NCKAP1L: variants seen among roughly 807,000 people sequenced by gnomAD.
NCKAP1L encodes NCK associated protein 1 like.
Under a neutral mutation model 139.2 loss-of-function variants are expected in NCKAP1L, and 53 were observed. That is an observed-to-expected ratio of 0.38 (90% CI 0.31 to 0.48). The LOEUF (loss-of-function observed/expected upper bound fraction) is 0.48, where lower values mean the gene tolerates loss of function less well. Among genes scored for constraint, NCKAP1L ranks in the 20% least tolerant of loss-of-function variants. The pLI, the probability that NCKAP1L is intolerant of heterozygous loss-of-function variation, is 0.98. For synonymous variants in NCKAP1L, 468 were observed against 499.7 expected, an observed-to-expected ratio of 0.94 and a Z score of 0.85; for missense variants, 1,151 against 1,381.9, an observed-to-expected ratio of 0.83 and a Z score of 2.65.
chr12:54,526,293 C>T (rs1239065681), intron 20 of NCKAP1L, among the ~76,000 whole-genome samples: 4 of 152,166 alleles, frequency 2.6e-5, no homozygotes, highest in African/African-American at 7.2e-5. Flanking sequence ...AGCTCTGCCA[C>T]TGCCAGCTGT....
At chr12:54,519,461 A>C (rs1956964125) in intron 16 of NCKAP1L, 129 bp downstream of exon 16, 1 of 684,382 alleles carries the variant, frequency 1.5e-6, no homozygotes, top group Non-Finnish European at 2.0e-6. Flanking sequence ...AAAGAGACAG[A>C]TCTCACTATG....
chr12:54,518,375 T>C (rs561434212), intron 13 of NCKAP1L, among the ~76,000 whole-genome samples: 1 of 152,170 alleles, frequency 6.6e-6, no homozygotes, highest in Admixed American at 6.5e-5. Flanking sequence ...CCCTTCATAT[T>C]TGTTAAAAGA....
rs138857648 is a variant in NCKAP1L at position 54,514,177 on chromosome 12, C to T, written c.942-2062C>T. Reference sequence around the variant, plus strand: ...TATTTTTAACAGTTGAATAATATTACATTATGTGGTTGTAACATAGTTTAT... The same window carrying T: ...TATTTTTAACAGTTGAATAATATTATATTATGTGGTTGTAACATAGTTTAT... On this transcript the variant is annotated intron_variant, in intron 9 of 30. Coordinates refer to ENST00000293373, the MANE Select transcript of NCKAP1L (RefSeq NM_005337.5). Among the ~76,000 whole-genome samples, 275 of 152,180 alleles carry T rather than the reference C, an allele frequency of 1.8e-3. 1 individual carries two copies. Among genetic ancestry groups the T allele is most frequent in the African/African-American group, 6.2e-3 (259 of 41,520 alleles).
rs139124424 is a variant in NCKAP1L at position 54,544,286 on chromosome 12, T to C, written c.*1601T>C. On this transcript the variant is annotated 3_prime_UTR_variant, in exon 31 of 31. Transcript: ENST00000293373. Reference sequence around the variant, plus strand: ...CTCAGAAGTATCTGAACAACTACTCTATATGTTTATATTTTTCTGCTTGAG... The same window carrying C: ...CTCAGAAGTATCTGAACAACTACTCCATATGTTTATATTTTTCTGCTTGAG... The C allele has an allele frequency of 1.3e-4, 20 of 152,308 alleles. No individual in the cohort carries two copies. Among genetic ancestry groups the C allele is most frequent in the Middle Eastern group, 3.4e-3 (1 of 294 alleles). 9.4% of individuals were successfully genotyped at this position (152,308 alleles called of 1,614,324 possible). A position where few individuals can be genotyped will look rare whatever the true frequency, so the allele number is the denominator to read the frequency against.
At chr12:54,520,056 G>A (rs181304034) in intron 16 of NCKAP1L, among the ~76,000 whole-genome samples, 5 of 152,202 alleles carry the variant, frequency 3.3e-5, no homozygotes, top group Admixed American at 1.3e-4. Flanking sequence ...GACCACTGTT[G>A]TACATAATTC....
At chr12:54,513,968 ATGTGTGTG>A (rs61519403) in intron 9 of NCKAP1L, among the ~76,000 whole-genome samples, 7 of 148,698 alleles carry the variant, frequency 4.7e-5, no homozygotes, top group Admixed American at 6.7e-5. Flanking sequence ...CATCCTTCAG[ATGTGTGTG>A]TGTGTGTGTG....
chr12:54,506,796 A>AAAAAAAAATATATATATATATAT, intron 3 of NCKAP1L, among the ~76,000 whole-genome samples: 1 of 50,604 alleles, frequency 2.0e-5, no homozygotes, highest in African/African-American at 1.1e-4. Flanking sequence ...AAAAAAAAAA[A>AAAAAAAAATATATATATATATAT]ATATATATAT....
rs1957180772 is a variant in NCKAP1L, at chr12:54,544,102, T to C, written c.*1417T>C. 6.6e-6 allele frequency: 1 copy of C among 152,242 alleles called. No individual in the cohort carries two copies. 9.4% of individuals were successfully genotyped at this position (152,242 alleles called of 1,614,324 possible). ...CCATAATCAACATACAGATTTTTCTTAGCAACAGTTGTCTGCTCTTTAGGG... is the reference window on the plus strand; with the variant it reads ...CCATAATCAACATACAGATTTTTCTCAGCAACAGTTGTCTGCTCTTTAGGG... On this transcript the variant is annotated 3_prime_UTR_variant, in exon 31 of 31. Transcript: ENST00000293373.
chr12:54,539,752 C>T (rs1373437139), intron 30 of NCKAP1L, among the ~76,000 whole-genome samples: 1 of 152,084 alleles, frequency 6.6e-6, no homozygotes, highest in East Asian at 1.9e-4. Context: ...CCTCCTCTGG[C>T]CAATGGGAAG....
intron 21 of NCKAP1L, 48 bp downstream of exon 21, chr12:54,526,794 T>G: frequency 6.5e-7 from 1 of 1,536,378 alleles, no homozygotes; most frequent in Non-Finnish European, 8.9e-7. Flanking sequence ...TGTTGGCACT[T>G]TTTCCTTTAC....
intron 18 of NCKAP1L, among the ~76,000 whole-genome samples, chr12:54,523,061 G>C (rs1956997232): frequency 6.6e-6 from 1 of 152,170 alleles, no homozygotes; most frequent in African/African-American, 2.4e-5. Context: ...GCACAACTGA[G>C]TGGGACTTTT....
At chr12:54,536,711 A>T (rs1216111400) in intron 28 of NCKAP1L, among the ~76,000 whole-genome samples, 1 of 86,256 alleles carries the variant, frequency 1.2e-5, no homozygotes, top group Non-Finnish European at 2.2e-5. Flanking sequence ...AACACCCCCT[A>T]CCCTGAAAAA....
chr12:54,526,545 C>G lies in NCKAP1L; in HGVS notation c.2174C>G (p.Ala725Gly). Residue 725 changes from alanine to glycine, a missense_variant, in exon 21 of 31, where the codon GCT becomes GGT. Ala to Gly is a moderately conservative substitution (Grantham distance 60, BLOSUM62 0). Transcript: ENST00000293373. ...TCACCTAGAGCCATTGTGTGGCTGG[C>G]TGGCTACAATGCCACGACCCAGGAG... ...ARLNRAIVWL[A>G]GYNATTQEIV... is the part of the protein sequence containing the mutation. The G allele has an allele frequency of 6.2e-7, 1 of 1,613,852 alleles. No homozygotes were observed. Among genetic ancestry groups the G allele is most frequent in the Non-Finnish European group, 8.5e-7 (1 of 1,179,898 alleles).
intron 11 of NCKAP1L, 92 bp downstream of exon 11, chr12:54,517,084 C>G (rs1474322631): frequency 1.9e-6 from 2 of 1,056,648 alleles, no homozygotes; most frequent in Non-Finnish European, 2.9e-6. Flanking sequence ...CTTTCTGAGT[C>G]TTTTGTCATT....
At position 54,531,551 on chromosome 12, in the gene NCKAP1L, G is replaced by T. The variant is rs761605071; in HGVS notation, c.2665G>T (p.Asp889Tyr). ...GATCAGATCCAACTTTAGCAAGCCGGACTTGATGGCTTCCCTGCTGCCCCA... is the reference window on the plus strand; with the variant it reads ...GATCAGATCCAACTTTAGCAAGCCGTACTTGATGGCTTCCCTGCTGCCCCA... ...VQIRSNFSKP[D>Y]LMASLLPQLT... The change falls in exon 24 of 31, where the codon GAC becomes TAC. Residue 889 changes from aspartate to tyrosine, a missense_variant. Physicochemically the swap from Asp to Tyr is radical, Grantham distance 160. Coordinates refer to ENST00000293373, the MANE Select transcript of NCKAP1L (RefSeq NM_005337.5). 1.9e-6 allele frequency: 3 copies of T among 1,614,160 alleles called. No homozygotes were observed. In the Admixed American group the frequency reaches 5.0e-5, roughly 27 times the overall value.
At chr12:54,497,950 C>T (rs1956764269) in intron 1 of NCKAP1L, 59 bp downstream of exon 1, 1 of 1,120,880 alleles carries the variant, frequency 8.9e-7, no homozygotes. Flanking sequence ...GCAGGGAACC[C>T]TGAGGCGGCA....
chr12:54,518,836 A>G, intron 14 of NCKAP1L, 78 bp from the exon 15 acceptor site: 1 of 1,509,216 alleles, frequency 6.6e-7, no homozygotes, highest in South Asian at 1.1e-5. Flanking sequence ...ATGTTTTTGA[A>G]GAGGATCTAC....
rs1957070658 is a variant in NCKAP1L, at chr12:54,531,500, G to A, written c.2614G>A (p.Val872Met). Residue 872 changes from valine (V) to methionine (M), a missense_variant, in exon 24 of 31, where the codon GTG becomes ATG. Coordinates refer to ENST00000293373, the MANE Select transcript of NCKAP1L (RefSeq NM_005337.5). ...SQIVELKKLV[V>M]ENMDILVQIR... ...TGTTCCTGGACTACAGAAGCTGGTGGTGGAAAACATGGACATACTTGTTCA... is the reference window on the plus strand; with the variant it reads ...TGTTCCTGGACTACAGAAGCTGGTGATGGAAAACATGGACATACTTGTTCA... 1 of 1,614,074 alleles carries A rather than the reference G, an allele frequency of 6.2e-7. No homozygotes were observed. The highest frequency in any genetic ancestry group is 1.7e-5 in the Admixed American group (1 of 60,016).
intron 3 of NCKAP1L, among the ~76,000 whole-genome samples, chr12:54,502,614 A>G (rs1315266795): frequency 1.3e-5 from 2 of 152,106 alleles, no homozygotes; most frequent in African/African-American, 4.8e-5. Context: ...TTTCTTACCC[A>G]ACCCTAATAT....
Sources: allele counts gnomAD v4.1 joint callset (sites outside exome capture counted in the v4.1 genomes callset), GRCh38; gene constraint gnomAD v4.1.1; transcripts MANE v1.5; gene names NCBI Gene and HGNC (gene_info 2026-07-23, HGNC 2026-07-21).